DNAH9: variants seen among roughly 807,000 people sequenced by gnomAD.
DNAH9 encodes DNAH9 variant protein.
A neutral mutation model predicts 471.6 loss-of-function variants in DNAH9; 345 were observed. That is an observed-to-expected ratio of 0.73 (90% CI 0.67 to 0.80). The LOEUF (loss-of-function observed/expected upper bound fraction) is 0.80. Ranked by LOEUF, DNAH9 falls within the 30% of genes least tolerant of loss-of-function variation. The pLI, the probability that DNAH9 is intolerant of heterozygous loss-of-function variation, is 0.00. For synonymous variants in DNAH9, 2,093 were observed against 2,123.6 expected (o/e 0.99, Z 0.40); for missense variants, 5,407 against 5,609.2 (o/e 0.96, Z 1.15).
Position 11,617,567 on chromosome 17 carries a change from C to A in DNAH9, c.1061C>A (p.Ser354Tyr). ...LIWATCKSYR[S>Y]PGRLTVLLQE... is the part of the protein sequence containing the mutation. ...TGGGCCACATGCAAGTCCTACCGCT[C>A]CCCGGGAAGGCTGACTGTGCTGCTC... The change falls in exon 5 of 69, where the codon TCC (serine) becomes TAC (tyrosine). Residue 354 changes from serine (S) to tyrosine (Y), a missense_variant. By Grantham distance (144) the Ser-to-Tyr change is moderately radical. Around this residue, in one of 3 missense-constraint regions of DNAH9, gnomAD observed 767 missense variants for 692.5 expected, o/e 1.11. Coordinates refer to ENST00000262442, the MANE Select transcript of DNAH9 (RefSeq NM_001372.4). 1 of 1,614,134 alleles carries A rather than the reference C, an allele frequency of 6.2e-7. No individual in the cohort carries two copies. Among genetic ancestry groups the A allele is most frequent in the Non-Finnish European group, 8.5e-7 (1 of 1,180,022 alleles).
Position 11,718,139 on chromosome 17 carries a change from A to G in DNAH9, c.5553-1195A>G, listed in dbSNP as rs1356590737. Among the ~76,000 whole-genome samples the G allele has an allele frequency of 7.2e-5, 11 of 152,298 alleles. No homozygotes were observed. The East Asian group carries it at 2.1e-3, about 29-fold the overall frequency. On this transcript the variant is annotated intron_variant, in intron 26 of 68. Coordinates refer to ENST00000262442, the MANE Select transcript of DNAH9 (RefSeq NM_001372.4). ...CTATCCATCTGCCTTGGCCTCCCAA[A>G]GTGCTGGGATTACAGATGTGAGCCA...
intron 17 of DNAH9, among the ~76,000 whole-genome samples, chr17:11,676,432 A>G (rs993982119): frequency 6.6e-6 from 1 of 151,234 alleles, no homozygotes; most frequent in Non-Finnish European, 1.5e-5. Context: ...ACAGGCATGC[A>G]CCACCATGCC....
chr17:11,628,457 A>G (rs1199804387), intron 6 of DNAH9, among the ~76,000 whole-genome samples: 2 of 152,242 alleles, frequency 1.3e-5, no homozygotes, highest in East Asian at 3.9e-4. Flanking sequence ...ACTCAGCATC[A>G]TGCTACAAGG....
chr17:11,897,574 G>A (rs796634815), intron 59 of DNAH9, among the ~76,000 whole-genome samples: 5 of 152,110 alleles, frequency 3.3e-5, no homozygotes, highest in African/African-American at 9.7e-5. Flanking sequence ...TCTGTAAAGC[G>A]GTTCTGAATG....
intron 49 of DNAH9, among the ~76,000 whole-genome samples, chr17:11,842,373 G>A (rs1419982971): frequency 6.6e-6 from 1 of 152,206 alleles, no homozygotes; most frequent in East Asian, 1.9e-4. Flanking sequence ...GAAAAGCTTT[G>A]TAGTCACTGT....
Position 11,822,553 on chromosome 17 carries a change from T to C in DNAH9, c.8966T>C (p.Leu2989Ser), listed in dbSNP as rs1367413316. The C allele has an allele frequency of 2.7e-5, 43 of 1,614,110 alleles. No homozygotes were observed. Among genetic ancestry groups the C allele is most frequent in the Non-Finnish European group, 3.6e-5 (42 of 1,180,052 alleles). Residue 2989 changes from leucine (L) to serine (S), a missense_variant, in exon 47 of 69, where the codon TTG becomes TCG. Physicochemically the swap from Leu to Ser is moderately radical, Grantham distance 145. This residue lies in a region of DNAH9 where 4,636 missense variants were observed against 4,900.3 expected (regional missense o/e 0.95). Transcript: ENST00000262442. The part of the protein sequence containing the change: ...HWFHEWPQQA[L>S]ESVSLRFLQN... ...TTCCACGAGTGGCCTCAGCAAGCAT[T>C]GGAGTCTGTCAGCCTCCGCTTCTTG...
intron 12 of DNAH9, among the ~76,000 whole-genome samples, chr17:11,650,174 G>C (rs1367587630): frequency 1.3e-5 from 2 of 152,126 alleles, no homozygotes; most frequent in Admixed American, 6.5e-5. Context: ...TGAATGCTGA[G>C]TAGGGTTTGC....
At chr17:11,861,261 G>A (rs1971837688) in intron 50 of DNAH9, among the ~76,000 whole-genome samples, 2 of 151,894 alleles carry the variant, frequency 1.3e-5, no homozygotes, top group Non-Finnish European at 2.9e-5. Flanking sequence ...CCACCTATGA[G>A]TGAGAATATG....
rs569733347 is a variant in DNAH9 at position 11,694,164 on chromosome 17, G to T, written c.4746-157G>T. Reference sequence around the variant, plus strand: ...CATTATTAGAGGTGTTGACGCCAAGGTAGACACATCCATGTATATCTTTGC... The same window carrying T: ...CATTATTAGAGGTGTTGACGCCAAGTTAGACACATCCATGTATATCTTTGC... On this transcript the variant is annotated intron_variant, in intron 21 of 68. Transcript: ENST00000262442. Among the ~76,000 whole-genome samples the T allele has an allele frequency of 3.9e-5, 6 of 152,214 alleles. No homozygotes were observed. The South Asian group carries it at 1.2e-3, about 32-fold the overall frequency.
At position 11,598,648 on chromosome 17, in the gene DNAH9, T is replaced by C. The variant is rs2072311777; in HGVS notation, c.150T>C (p.Ala50=). 7.4e-7 allele frequency: 1 copy of C among 1,355,662 alleles called. No homozygotes were observed. The highest frequency in any genetic ancestry group is 1.5e-5 in the African/African-American group (1 of 65,098). 84.0% of individuals were successfully genotyped at this position (1,355,662 alleles called of 1,614,324 possible). Residue 50 remains alanine (A), a synonymous_variant, in exon 1 of 69, where the codon GCT becomes GCC. Coordinates refer to ENST00000262442, the MANE Select transcript of DNAH9 (RefSeq NM_001372.4). ...CCTGGGAGCGTTGCGCGGGGAGTGC[T>C]GAGGCGGAGCAGCTGCTCCAGGCCT... ...AGAWERCAGS[A]EAEQLLQAFL... is the part of the protein sequence containing the mutation.
intron 38 of DNAH9, among the ~76,000 whole-genome samples, chr17:11,778,946 C>A (rs948371349): frequency 1.3e-5 from 2 of 152,014 alleles, no homozygotes; most frequent in African/African-American, 4.8e-5. Context: ...GCAGAGGTTG[C>A]AGTAAGCCGA....
chr17:11,703,547 T>C (rs544384262), intron 24 of DNAH9, among the ~76,000 whole-genome samples: 3 of 152,354 alleles, frequency 2.0e-5, no homozygotes, highest in East Asian at 3.9e-4. Context: ...ATCAAAGTTA[T>C]GCATGTTCCA....
At chr17:11,693,433 A>G (rs2074371324) in intron 20 of DNAH9, among the ~76,000 whole-genome samples, 1 of 148,446 alleles carries the variant, frequency 6.7e-6, no homozygotes, top group Non-Finnish European at 1.5e-5. Context: ...TAATTTTTCT[A>G]TTTTTAGTTG....
chr17:11,898,584 A>G (rs1018889819), intron 59 of DNAH9, among the ~76,000 whole-genome samples: 2 of 152,086 alleles, frequency 1.3e-5, no homozygotes, highest in Non-Finnish European at 2.9e-5. Context: ...GACACAATTC[A>G]CCCCATAACA....
chr17:11,636,449 G>A (rs1300095778), intron 8 of DNAH9, among the ~76,000 whole-genome samples, 185 bp from the exon 9 acceptor site: 1 of 152,150 alleles, frequency 6.6e-6, no homozygotes, highest in East Asian at 1.9e-4. Context: ...TAGAAGCAAA[G>A]GAGAAGAGAA....
In DNAH9 at chr17:11,754,113, T is replaced by G. The variant is rs114398483; in HGVS notation, c.6738+1153T>G. Among the ~76,000 whole-genome samples, 773 of 147,580 alleles carry G rather than the reference T, an allele frequency of 5.2e-3. 4 individuals are homozygous for G. The highest frequency in any genetic ancestry group is 0.019 in the African/African-American group (754 of 39,872). On this transcript the variant is annotated intron_variant, in intron 33 of 68. Transcript: ENST00000262442. ...ACATTAGTTTGCTAAGGTAATGGCC[T>G]CCAGCTCCATTCATGTTCCCAAAAA...
chr17:11,901,923 G>A (rs1194135940), intron 59 of DNAH9, among the ~76,000 whole-genome samples: 1 of 152,216 alleles, frequency 6.6e-6, no homozygotes, highest in African/African-American at 2.4e-5. Context: ...CATTAGGAAG[G>A]ATGGCCCAAG....
At position 11,914,217 on chromosome 17, in the gene DNAH9, G is replaced by A. The variant is rs964343019; in HGVS notation, c.11749+8408G>A. ...GTGATGATAATTTTTGTAGCTTTTA[G>A]TTTTCTTTGGAGTTGCAAGTTGCCT... On this transcript the variant is annotated intron_variant, in intron 61 of 68. Transcript: ENST00000262442. Among the ~76,000 whole-genome samples the A allele has an allele frequency of 5.9e-5, 9 of 152,120 alleles. No homozygotes were observed. Among genetic ancestry groups the A allele is most frequent in the Non-Finnish European group, 1.0e-4 (7 of 68,014 alleles).
intron 49 of DNAH9, 152 bp from the exon 50 acceptor site, chr17:11,853,851 T>C: frequency 1.4e-6 from 1 of 708,980 alleles, no homozygotes. Flanking sequence ...TGGTTTCCTT[T>C]TGATGAGTCA....
Sources: gnomAD v4.1 joint callset for allele counts (sites outside exome capture counted in the v4.1 genomes callset) on GRCh38, gnomAD v4.1.1 for gene constraint, gnomAD v4.1.1 regional missense constraint, MANE v1.5 for transcripts, NCBI Gene and HGNC (gene_info 2026-07-23, HGNC 2026-07-21) for gene names.